The following EFCAB11 variants were observed in gnomAD, a reference collection of about 807,000 sequenced individuals.
EFCAB11 encodes the protein EF-hand calcium binding domain 11.
In EFCAB11, 14 loss-of-function variants were observed where a neutral mutation model predicts 23.0. That is an observed-to-expected ratio of 0.61 (90% confidence interval 0.40 to 0.95). The LOEUF (loss-of-function observed/expected upper bound fraction) is 0.95. Ranked by LOEUF, EFCAB11 falls within the 40% of genes least tolerant of loss-of-function variation. The pLI is 0.00. For synonymous variants in EFCAB11, 65 were observed against 66.6 expected, an observed-to-expected ratio of 0.98 and a Z score of 0.11; for missense variants, 198 against 195.8, an observed-to-expected ratio of 1.01 and a Z score of -0.07.
intron 1 of EFCAB11, chr14:89,954,227 C>T (rs1365461327): frequency 2.7e-6 from 3 of 1,113,172 alleles, no homozygotes; most frequent in Non-Finnish European, 3.9e-6. Flanking sequence ...GAGTTAACCG[C>T]TAGGTGACGC....
chr14:89,837,377 T>C (rs1243735991), intron 5 of EFCAB11, among the ~76,000 whole-genome samples: 3 of 152,052 alleles, frequency 2.0e-5, no homozygotes, highest in Non-Finnish European at 2.9e-5. Context: ...GCCTCCCTGC[T>C]TCCTTCTGGT....
In EFCAB11 at chr14:89,953,954, C is replaced by T. The variant is rs3736860; in HGVS notation, c.123G>A (p.Glu41=). Residue 41 remains glutamate, a synonymous_variant, in exon 2 of 6, where the codon GAG becomes GAA. Transcript: ENST00000316738. ...GCATTACAACAGCAGTTTTAAAGTC[C>T]TCTCTGCTGAGATATCCTTTGTGAT... ...DEDHKGYLSR[E]DFKTAVVMLF... 47,428 of 1,613,436 alleles carry T rather than the reference C, an allele frequency of 0.029. 1,237 individuals are homozygous for T. The highest frequency in any genetic ancestry group is 0.11 in the African/African-American group (8,538 of 74,964).
At chr14:89,809,261 A>T (rs1347619215) in intron 5 of EFCAB11, among the ~76,000 whole-genome samples, 3 of 152,220 alleles carry the variant, frequency 2.0e-5, no homozygotes, top group Non-Finnish European at 4.4e-5. Context: ...GACACTGGCC[A>T]CGAGGGATTT....
intron 5 of EFCAB11, among the ~76,000 whole-genome samples, chr14:89,885,715 AAGAGAGAGAGAAAGAG>A (rs1372427500): frequency 1.4e-5 from 2 of 146,480 alleles, no homozygotes; most frequent in Non-Finnish European, 3.0e-5. Flanking sequence ...GAGAGAAAGA[AAGAGAGAGAGAAAGAG>A]AGAGAGAGAG....
chr14:89,795,163 A>AT lies in EFCAB11; in HGVS notation c.*2079dup, dbSNP rs1885537049. The AT allele has an allele frequency of 6.7e-6, 1 of 149,838 alleles. No homozygotes were observed. The highest frequency in any genetic ancestry group is 1.5e-5 in the Non-Finnish European group (1 of 67,422). The allele number at this position is 149,838 out of a possible 1,614,324, so 9.3% of individuals were successfully genotyped here. A position where few individuals can be genotyped will look rare whatever the true frequency, so the allele number is the denominator to read the frequency against. On this transcript the variant is annotated 3_prime_UTR_variant, in exon 6 of 6. Coordinates refer to ENST00000316738, the MANE Select transcript of EFCAB11 (RefSeq NM_145231.4). Reference sequence around the variant, plus strand: ...CAGCTAATCTTTTTTTGTTTTTTGTATTTTTAGTAGAGACGGGGTTTCACC... The same window carrying AT: ...CAGCTAATCTTTTTTTGTTTTTTGTATTTTTTAGTAGAGACGGGGTTTCACC...
At position 89,797,718 on chromosome 14, in the gene EFCAB11, G is replaced by A. The variant is rs371716908; in HGVS notation, c.411-394C>T. ...AGGCCAAGGTGGGTGGATCACCTGA[G>A]GTCAGGAGTTCTAGACCAGCCAGGC... On this transcript the variant is annotated intron_variant, in intron 5 of 5. Coordinates refer to ENST00000316738, the MANE Select transcript of EFCAB11 (RefSeq NM_145231.4). Among the ~76,000 whole-genome samples the A allele has an allele frequency of 3.3e-5, 5 of 152,276 alleles. No homozygotes were observed. The South Asian group carries it at 8.3e-4, about 25-fold the overall frequency.
intron 3 of EFCAB11, among the ~76,000 whole-genome samples, chr14:89,939,391 G>C (rs1890712465): frequency 6.6e-6 from 1 of 152,198 alleles, no homozygotes; most frequent in African/African-American, 2.4e-5. Context: ...CGAGAGATTT[G>C]TAAAAGAACA....
At chr14:89,833,553 C>A (rs1482274203) in intron 5 of EFCAB11, among the ~76,000 whole-genome samples, 2 of 152,140 alleles carry the variant, frequency 1.3e-5, no homozygotes, top group African/African-American at 4.8e-5. Context: ...ATAGTTCTCG[C>A]TGAATTCTTT....
chr14:89,934,433 A>T (rs1211476040), intron 3 of EFCAB11, among the ~76,000 whole-genome samples: 1 of 152,138 alleles, frequency 6.6e-6, no homozygotes, highest in Non-Finnish European at 1.5e-5. Context: ...GAGCTACTTA[A>T]AGAGAGGAGA....
chr14:89,912,253 A>G (rs1455813849), intron 5 of EFCAB11, among the ~76,000 whole-genome samples: 1 of 152,212 alleles, frequency 6.6e-6, no homozygotes, highest in Non-Finnish European at 1.5e-5. Flanking sequence ...AAAATCCTGA[A>G]CTTTATTGGC....
intron 5 of EFCAB11, among the ~76,000 whole-genome samples, chr14:89,844,811 C>T (rs1007999175): frequency 1.3e-5 from 2 of 152,194 alleles, no homozygotes; most frequent in African/African-American, 4.8e-5. Flanking sequence ...TGGGACTTGG[C>T]TTTGGGTATC....
chr14:89,856,695 C>T (rs1268174210), intron 5 of EFCAB11, among the ~76,000 whole-genome samples: 1 of 152,186 alleles, frequency 6.6e-6, no homozygotes, highest in Admixed American at 6.5e-5. Context: ...TAATACTGGG[C>T]ACCTTTTCAT....
chr14:89,870,861 A>G (rs1200114626), intron 5 of EFCAB11, among the ~76,000 whole-genome samples: 1 of 151,584 alleles, frequency 6.6e-6, no homozygotes, highest in Admixed American at 6.6e-5. Flanking sequence ...AACCGCTTGA[A>G]CCCGGGAAGT....
intron 5 of EFCAB11, among the ~76,000 whole-genome samples, chr14:89,871,264 A>G (rs1419339449): frequency 6.6e-6 from 1 of 152,094 alleles, no homozygotes; most frequent in Non-Finnish European, 1.5e-5. Context: ...CCATCTCCCA[A>G]AACAAACTTC....
chr14:89,807,790 A>T (rs1429609315), intron 5 of EFCAB11, among the ~76,000 whole-genome samples: 2 of 152,236 alleles, frequency 1.3e-5, no homozygotes, highest in African/African-American at 4.8e-5. Context: ...AATTTGATAA[A>T]TCAAAAGTTT....
At chr14:89,799,576 C>T (rs963280233) in intron 5 of EFCAB11, 2 of 152,162 alleles carry the variant, frequency 1.3e-5, no homozygotes, top group Non-Finnish European at 2.9e-5. Flanking sequence ...TCAACCCTAA[C>T]GTGAGTTTGC....
chr14:89,856,316 A>G (rs1887751366), intron 5 of EFCAB11, among the ~76,000 whole-genome samples: 1 of 151,812 alleles, frequency 6.6e-6, no homozygotes, highest in South Asian at 2.1e-4. Flanking sequence ...AGTCCCCCAA[A>G]TAACTGGGAC....
chr14:89,820,194 C>T (rs945384931), intron 5 of EFCAB11, among the ~76,000 whole-genome samples: 1 of 152,120 alleles, frequency 6.6e-6, no homozygotes, highest in Non-Finnish European at 1.5e-5. Context: ...AAAGGGATTA[C>T]AGGTGTTTAA....
chr14:89,941,820 G>A (rs1890805176), intron 3 of EFCAB11, among the ~76,000 whole-genome samples: 1 of 151,858 alleles, frequency 6.6e-6, no homozygotes. Flanking sequence ...GAGCCCAGGA[G>A]TTAGAGACCC....
Sources: allele counts gnomAD v4.1 joint callset (sites outside exome capture counted in the v4.1 genomes callset), GRCh38; gene constraint gnomAD v4.1.1; transcripts MANE v1.5; gene names NCBI Gene and HGNC (gene_info 2026-07-23, HGNC 2026-07-21).